The following NEBL variants were observed in gnomAD, a reference collection of about 807,000 sequenced individuals.
The protein encoded by NEBL is LIM and SH3 protein 2.
A neutral mutation model predicts 140.2 loss-of-function variants in NEBL; 122 were observed. The observed-to-expected ratio is 0.87, with a 90% CI of 0.75 to 1.01. NEBL has a LOEUF of 1.01. NEBL is among the 50% of genes least tolerant of loss of function. The pLI is 0.00. For missense variants in NEBL, 1,365 were observed against 1,231.3 expected (o/e 1.11, Z -1.62); for synonymous variants, 436 against 398.9 (o/e 1.09, Z -1.11).
chr10:21,204,465 G>A (rs1229178447), intron 3 of NEBL, among the ~76,000 whole-genome samples: 1 of 151,832 alleles, frequency 6.6e-6, no homozygotes, highest in African/African-American at 2.4e-5. Context: ...CTCTTTCCAT[G>A]CGCACATGAT....
chr10:20,923,090 A>G (rs1160107483), intron 4 of NEBL, among the ~76,000 whole-genome samples: 4 of 151,884 alleles, frequency 2.6e-5, no homozygotes, highest in African/African-American at 9.7e-5. Flanking sequence ...CTTTTATGAG[A>G]CAGGGTCTCG....
intron 3 of NEBL, among the ~76,000 whole-genome samples, chr10:21,008,744 C>T (rs1345205103): frequency 6.6e-6 from 1 of 152,056 alleles, no homozygotes; most frequent in Non-Finnish European, 1.5e-5. Context: ...ATAAATTAAG[C>T]TTTATTGTAG....
rs1477748950 is a variant in NEBL, at chr10:21,288,820, G to GTGTATATATATATATATA, written n.182+4009_182+4010insTATATATATATATATACA. On this transcript the variant is annotated intron_variant and non_coding_transcript_variant, in intron 1 of 8. Transcript: ENST00000675702. ...TCTGACAATATATACGTGTGTGTGTGTATATATATATATATATATATATAT... is the reference window on the plus strand; with the variant it reads ...TCTGACAATATATACGTGTGTGTGTGTGTATATATATATATATATATATATATATATATATATATATAT... 1.7e-3 allele frequency among the ~76,000 whole-genome samples: 58 copies of GTGTATATATATATATATA among 34,996 alleles called. 1 individual carries two copies. The highest frequency in any genetic ancestry group is 5.2e-3 in the African/African-American group (54 of 10,334). The allele number at this position is 34,996 out of a possible 152,430, so 23.0% of individuals were successfully genotyped here. A position where few individuals can be genotyped will look rare whatever the true frequency, so the allele number is the denominator to read the frequency against.
At chr10:20,817,515 G>GA in intron 21 of NEBL, 85 bp downstream of exon 21, 1 of 1,169,506 alleles carries the variant, frequency 8.6e-7, no homozygotes, top group Non-Finnish European at 1.3e-6. Flanking sequence ...TCAAGGTTAT[G>GA]AAAATTCTAT....
intron 17 of NEBL, among the ~76,000 whole-genome samples, chr10:20,827,308 T>C (rs562521911): frequency 7.9e-5 from 12 of 152,318 alleles, no homozygotes; most frequent in African/African-American, 2.6e-4. Context: ...CAGAACACTA[T>C]AGAATCACAC....
chr10:21,179,674 A>G (rs756043293), upstream of NEBL, among the ~76,000 whole-genome samples: 5 of 152,144 alleles, frequency 3.3e-5, no homozygotes, highest in Non-Finnish European at 7.3e-5. Flanking sequence ...TGTTGGTCCT[A>G]TAACACTAAG....
At chr10:21,177,308 G>A (rs756219878), upstream of NEBL, among the ~76,000 whole-genome samples, 5 of 152,188 alleles carry the variant, frequency 3.3e-5, no homozygotes, top group Non-Finnish European at 7.3e-5. Context: ...AGAATGAGAC[G>A]GGCTGAATCA....
rs769417616 is a variant in NEBL at position 20,823,341 on chromosome 10, G to T, written c.1870-41C>A. On this transcript the variant is annotated intron_variant, in intron 18 of 27. Transcript: ENST00000377122. ...GAATATAACGTTAACTTTATTCTAT[G>T]CAAGGCTTTAAAATATTGAGAATTC... 2.9e-6 allele frequency: 4 copies of T among 1,398,732 alleles called. No individual in the cohort carries two copies. The East Asian group carries it at 6.9e-5, about 24-fold the overall frequency. 86.6% of individuals were successfully genotyped at this position (1,398,732 alleles called of 1,614,324 possible). A position where few individuals can be genotyped will look rare whatever the true frequency, so the allele number is the denominator to read the frequency against.
chr10:20,833,979 T>C lies in NEBL; in HGVS notation c.1449+1534A>G, dbSNP rs12259297. Among the ~76,000 whole-genome samples, 1,398 of 152,170 alleles carry C rather than the reference T, an allele frequency of 9.2e-3. 20 individuals are homozygous for C. The highest frequency in any genetic ancestry group is 0.031 in the African/African-American group (1,305 of 41,516). On this transcript the variant is annotated intron_variant, in intron 14 of 27. Transcript: ENST00000377122. ...TGCTTTGGTTGGCGCCATTTGAAGA[T>C]TGGGGAAAGCTAACCTAGGGGAAAA...
chr10:21,165,640 G>A (rs1840729284), intron 2 of NEBL, among the ~76,000 whole-genome samples: 1 of 152,188 alleles, frequency 6.6e-6, no homozygotes, highest in Admixed American at 6.5e-5. Context: ...TCGTCTACGT[G>A]CCAGGCTTGG....
At chr10:21,080,182 A>G (rs1267544637) in intron 2 of NEBL, among the ~76,000 whole-genome samples, 1 of 152,264 alleles carries the variant, frequency 6.6e-6, no homozygotes, top group African/African-American at 2.4e-5. Flanking sequence ...TAAAGTAATG[A>G]AAGCGATTTC....
chr10:20,905,481 C>T (rs753318950), intron 4 of NEBL, among the ~76,000 whole-genome samples: 4 of 152,056 alleles, frequency 2.6e-5, no homozygotes, highest in Non-Finnish European at 5.9e-5. Context: ...CTTATAAAAC[C>T]ATCAGATCTC....
chr10:20,995,526 G>A (rs1290140123), intron 3 of NEBL, among the ~76,000 whole-genome samples: 3 of 152,092 alleles, frequency 2.0e-5, no homozygotes, highest in African/African-American at 4.8e-5. Context: ...CAGCAGCACC[G>A]CACGCTGAGG....
At chr10:21,073,629 A>AG (rs1433916642) in intron 2 of NEBL, among the ~76,000 whole-genome samples, 97 of 151,894 alleles carry the variant, frequency 6.4e-4, no homozygotes, top group Non-Finnish European at 1.3e-3. Context: ...AAAAAAAAAA[A>AG]AAAAAAAAGT....
upstream of NEBL, among the ~76,000 whole-genome samples, chr10:20,900,694 T>C (rs788980): frequency 1.4e-5 from 2 of 142,712 alleles, no homozygotes; most frequent in East Asian, 2.0e-4. Context: ...ATTAGCCGAG[T>C]GTGATGGCAG....
chr10:21,000,059 C>G (rs199919350), intron 3 of NEBL, among the ~76,000 whole-genome samples: 1 of 151,470 alleles, frequency 6.6e-6, no homozygotes, highest in African/African-American at 2.4e-5. Flanking sequence ...ACTGCTGCCA[C>G]GAACTATTGT....
chr10:20,969,657 T>C (rs1169049911), intron 3 of NEBL, among the ~76,000 whole-genome samples: 2 of 151,468 alleles, frequency 1.3e-5, no homozygotes, highest in African/African-American at 4.9e-5. Context: ...GCAATTCTTG[T>C]GCCTCAGCCT....
At chr10:20,825,104 C>T (rs555828286) in intron 18 of NEBL, among the ~76,000 whole-genome samples, 9 of 152,128 alleles carry the variant, frequency 5.9e-5, no homozygotes, top group African/African-American at 1.9e-4. Flanking sequence ...CACTCATATT[C>T]TGTAGACTTT....
At chr10:21,060,265 A>C (rs1835215857) in intron 2 of NEBL, among the ~76,000 whole-genome samples, 1 of 152,206 alleles carries the variant, frequency 6.6e-6, no homozygotes, top group South Asian at 2.1e-4. Context: ...ACATGTGGTC[A>C]CATTCCATCT....
Sources: allele counts gnomAD v4.1 joint callset (sites outside exome capture counted in the v4.1 genomes callset), GRCh38; gene constraint gnomAD v4.1.1; transcripts MANE v1.5; gene names NCBI Gene and HGNC (gene_info 2026-07-23, HGNC 2026-07-21).